The following DLC1 variants were observed in gnomAD, a reference collection of about 807,000 sequenced individuals.
DLC1 encodes the protein rho GTPase-activating protein 7.
Under a neutral mutation model 140.3 loss-of-function variants are expected in DLC1, and 54 were observed. The ratio of observed to expected loss-of-function variants is 0.38; its 90% CI spans 0.31 to 0.48. DLC1 has a LOEUF of 0.48. DLC1 is among the 20% of genes least tolerant of loss of function. DLC1 has a pLI of 0.96. For synonymous variants in DLC1, 986 were observed against 728.1 expected (o/e 1.35, Z -5.70); for missense variants, 2,536 against 1,907.0 (o/e 1.33, Z -6.14).
chr8:13,565,247 G>A (rs6984011), intron 1 of DLC1, among the ~76,000 whole-genome samples: 1 of 152,048 alleles, frequency 6.6e-6, no homozygotes, highest in Admixed American at 6.5e-5. Context: ...TTTAAGACAC[G>A]ATTATAAAAA....
Position 13,276,224 on chromosome 8 carries a change from C to G in DLC1, c.1348+29045G>C, listed in dbSNP as rs369346938. 204 of 1,532,390 alleles carry G rather than the reference C, an allele frequency of 1.3e-4. 1 individual carries two copies. In the East Asian group the frequency reaches 2.1e-3, roughly 16 times the overall value. 94.9% of individuals were successfully genotyped at this position (1,532,390 alleles called of 1,614,324 possible). ...CAGTAAATTGTTTTCTTTTTAATAC[C>G]CCTCACCCCCGGTCTCCAATCCCCC... On this transcript the variant is annotated intron_variant, in intron 5 of 17. Coordinates refer to ENST00000276297, the MANE Select transcript of DLC1 (RefSeq NM_182643.3).
At chr8:13,153,202 G>A (rs1037756551) in intron 5 of DLC1, among the ~76,000 whole-genome samples, 1 of 152,162 alleles carries the variant, frequency 6.6e-6, no homozygotes, top group African/African-American at 2.4e-5. Context: ...CGTGTTCAGG[G>A]TTTTTTTCCT....
chr8:13,247,354 G>A (rs942581810), intron 5 of DLC1, among the ~76,000 whole-genome samples: 2 of 152,186 alleles, frequency 1.3e-5, no homozygotes, highest in African/African-American at 4.8e-5. Flanking sequence ...AACTATAGAA[G>A]ACACAATACC....
chr8:13,587,138 A>G (rs1331340361), intron 1 of DLC1, among the ~76,000 whole-genome samples: 6 of 151,764 alleles, frequency 4.0e-5, no homozygotes, highest in Non-Finnish European at 8.8e-5. Context: ...AGATGGTGGC[A>G]CATATACACC....
intron 5 of DLC1, among the ~76,000 whole-genome samples, chr8:13,284,631 TCAATA>T (rs1469170034): frequency 6.9e-6 from 1 of 145,328 alleles, no homozygotes; most frequent in Non-Finnish European, 1.5e-5. Flanking sequence ...TTTGAAGAGA[TCAATA>T]CAATTGCTTA....
chr8:13,173,028 C>G (rs527778000), intron 5 of DLC1, among the ~76,000 whole-genome samples: 2 of 152,270 alleles, frequency 1.3e-5, no homozygotes, highest in East Asian at 3.9e-4. Flanking sequence ...GCATTTTGTC[C>G]TGGCACAGTT....
intron 4 of DLC1, among the ~76,000 whole-genome samples, chr8:13,350,712 T>C (rs1233414493): frequency 2.0e-5 from 3 of 150,354 alleles, no homozygotes; most frequent in Admixed American, 6.6e-5. Flanking sequence ...CAAGACTCGA[T>C]CTTAAAAAAT....
At chr8:13,141,197 G>A (rs1295640478) in intron 5 of DLC1, among the ~76,000 whole-genome samples, 1 of 144,718 alleles carries the variant, frequency 6.9e-6, no homozygotes, top group African/African-American at 2.6e-5. Context: ...GGAGTTTGCG[G>A]TGAGCCGAGA....
rs373230411 is a variant in DLC1, at chr8:13,335,467, A to G, written c.1315-30165T>C. 2.4e-3 allele frequency among the ~76,000 whole-genome samples: 371 copies of G among 152,358 alleles called. 4 individuals carry two copies. Among genetic ancestry groups the G allele is most frequent in the African/African-American group, 8.8e-3 (364 of 41,586 alleles). On this transcript the variant is annotated intron_variant, in intron 4 of 17. Transcript: ENST00000276297. The stretch of plus-strand genomic sequence containing the variant: ...TGTGAGCACACAAAAAGTCTTTTCT[A>G]GATCAGCTCATATTTATCGTCAAGG...
At chr8:13,399,455 A>T (rs562587920) in intron 3 of DLC1, among the ~76,000 whole-genome samples, 50 of 152,258 alleles carry the variant, frequency 3.3e-4, no homozygotes, top group Non-Finnish European at 3.4e-4. Flanking sequence ...TGAAGCTCAC[A>T]TTTCTCATGG....
chr8:13,211,313 G>C (rs1002061938), intron 5 of DLC1, among the ~76,000 whole-genome samples: 4 of 152,120 alleles, frequency 2.6e-5, no homozygotes, highest in African/African-American at 9.7e-5. Flanking sequence ...CTTTGCCTAG[G>C]GGTAGCCCTG....
chr8:13,351,981 G>A (rs1197257290), intron 4 of DLC1, among the ~76,000 whole-genome samples: 3 of 152,138 alleles, frequency 2.0e-5, no homozygotes, highest in African/African-American at 4.8e-5. Context: ...TGATCTGCCC[G>A]CCTTGGCCTC....
intron 5 of DLC1, among the ~76,000 whole-genome samples, chr8:13,240,839 C>T (rs17127548): frequency 0.07 from 10,711 of 152,124 alleles, 416 homozygotes; most frequent in South Asian, 0.14. Context: ...ATCTTTGCTC[C>T]AAATGAGGAA....
At chr8:13,515,525 G>A (rs558851947), upstream of DLC1, 5 of 152,176 alleles carry the variant, frequency 3.3e-5, no homozygotes, top group South Asian at 4.1e-4. Flanking sequence ...CATCTTGATC[G>A]TATTAGAGTC....
At chr8:13,551,643 T>C (rs1372015365) in intron 1 of DLC1, among the ~76,000 whole-genome samples, 1 of 151,942 alleles carries the variant, frequency 6.6e-6, no homozygotes, top group Non-Finnish European at 1.5e-5. Flanking sequence ...AGGTTCAGTA[T>C]GAAATGATTG....
At chr8:13,154,133 G>A (rs1824058217) in intron 5 of DLC1, among the ~76,000 whole-genome samples, 1 of 152,212 alleles carries the variant, frequency 6.6e-6, no homozygotes, top group African/African-American at 2.4e-5. Context: ...TAGACATAAA[G>A]GTTCTCCAAG....
At chr8:13,523,857 T>C (rs1241338989) in intron 1 of DLC1, among the ~76,000 whole-genome samples, 1 of 148,094 alleles carries the variant, frequency 6.8e-6, no homozygotes, top group East Asian at 2.0e-4. Flanking sequence ...TGTTCTGTTC[T>C]TTTTTTTTTA....
At chr8:13,334,172 A>G (rs144237901) in intron 4 of DLC1, among the ~76,000 whole-genome samples, 3 of 152,290 alleles carry the variant, frequency 2.0e-5, no homozygotes, top group Admixed American at 2.0e-4. Flanking sequence ...GAGTTGCACC[A>G]TGAATAACCA....
At chr8:13,549,146 C>T (rs1333990810) in intron 1 of DLC1, among the ~76,000 whole-genome samples, 1 of 151,936 alleles carries the variant, frequency 6.6e-6, no homozygotes, top group East Asian at 1.9e-4. Flanking sequence ...AGTGAAAACA[C>T]AGGAAGGAAA....
Sources: allele counts gnomAD v4.1 joint callset (sites outside exome capture counted in the v4.1 genomes callset), GRCh38; gene constraint gnomAD v4.1.1; transcripts MANE v1.5; gene names NCBI Gene and HGNC (gene_info 2026-07-23, HGNC 2026-07-21).